DLG2: variants seen among roughly 807,000 people sequenced by gnomAD.
DLG2 encodes the protein discs large MAGUK scaffold protein 2.
A neutral mutation model predicts 132.5 loss-of-function variants in DLG2; 45 were observed. The observed-to-expected ratio is 0.34, with a 90% confidence interval of 0.27 to 0.44. The LOEUF (loss-of-function observed/expected upper bound fraction) is 0.44. Among genes scored for constraint, DLG2 ranks in the 20% least tolerant of loss-of-function variants. DLG2 has a pLI of 1.00. For synonymous variants in DLG2, 424 were observed against 419.6 expected, an observed-to-expected ratio of 1.01 and a Z score of -0.13; for missense variants, 1,045 against 1,196.9, an observed-to-expected ratio of 0.87 and a Z score of 1.87.
In DLG2 at chr11:85,186,472, A is replaced by G. The variant is rs2080108653; in HGVS notation, c.187-31821T>C. Among the ~76,000 whole-genome samples, 3 of 152,234 alleles carry G rather than the reference A, an allele frequency of 2.0e-5. No individual in the cohort carries two copies. The South Asian group carries it at 6.2e-4, about 32-fold the overall frequency. The stretch of plus-strand genomic sequence containing the variant: ...TCATGCCTGATAAGTAGATATGTAA[A>G]GAATGTTCAATACAAGTTTTGTGGA... On this transcript the variant is annotated intron_variant, in intron 4 of 27. Coordinates refer to ENST00000376104, the MANE Select transcript of DLG2 (RefSeq NM_001142699.3).
chr11:83,818,417 C>T lies in DLG2; in HGVS notation c.1722+15197G>A, dbSNP rs896098711. On this transcript the variant is annotated intron_variant, in intron 17 of 27. Coordinates refer to ENST00000376104, the MANE Select transcript of DLG2 (RefSeq NM_001142699.3). ...CTCAGAATACCTGGTGAGGTTTTGC[C>T]TTTTCTATGGAACTCCCTTGCCTCA... 5.3e-5 allele frequency among the ~76,000 whole-genome samples: 8 copies of T among 152,248 alleles called. No homozygotes were observed. In the Middle Eastern group the frequency reaches 0.017, roughly 324 times the overall value.
intron 7 of DLG2, among the ~76,000 whole-genome samples, chr11:84,376,437 T>C (rs1156563523): frequency 1.3e-5 from 2 of 151,838 alleles, no homozygotes; most frequent in African/African-American, 4.8e-5. Flanking sequence ...AACTTAAAAA[T>C]AATGACATCA....
At chr11:84,997,557 C>T (rs951631156) in intron 6 of DLG2, 1 of 152,182 alleles carries the variant, frequency 6.6e-6, no homozygotes, top group East Asian at 1.9e-4. Flanking sequence ...TGAAGGAACA[C>T]CTCAATATAA....
chr11:85,535,766 A>G (rs905530140), intron 3 of DLG2, among the ~76,000 whole-genome samples: 1 of 152,252 alleles, frequency 6.6e-6, no homozygotes, highest in Non-Finnish European at 1.5e-5. Context: ...ACAGATAAAT[A>G]AAATATGATA....
chr11:85,550,238 AG>A (rs962797800), intron 3 of DLG2, among the ~76,000 whole-genome samples: 8 of 152,326 alleles, frequency 5.3e-5, no homozygotes, highest in African/African-American at 1.9e-4. Flanking sequence ...GGCAGAGGAC[AG>A]CCACCTAGCA....
chr11:84,854,673 A>G (rs963430871), intron 6 of DLG2, among the ~76,000 whole-genome samples: 9 of 151,986 alleles, frequency 5.9e-5, no homozygotes, highest in Non-Finnish European at 1.2e-4. Flanking sequence ...CATCTGCATG[A>G]TTTATACATT....
At chr11:85,095,285 A>G (rs1056235201) in intron 6 of DLG2, among the ~76,000 whole-genome samples, 1 of 152,248 alleles carries the variant, frequency 6.6e-6, no homozygotes, top group African/African-American at 2.4e-5. Context: ...AATGTTGCCA[A>G]TAGACTTGCT....
intron 6 of DLG2, among the ~76,000 whole-genome samples, chr11:85,102,358 G>A (rs1008828830): frequency 6.6e-6 from 1 of 151,912 alleles, no homozygotes; most frequent in Admixed American, 6.6e-5. Flanking sequence ...GTCTGTGAAA[G>A]TATTTTAAAC....
intron 6 of DLG2, among the ~76,000 whole-genome samples, chr11:84,742,181 C>G (rs2064771003): frequency 6.6e-6 from 1 of 151,910 alleles, no homozygotes; most frequent in Non-Finnish European, 1.5e-5. Context: ...AAATATTTAC[C>G]TTCTTTGCAT....
intron 14 of DLG2, among the ~76,000 whole-genome samples, chr11:83,945,412 C>T (rs1392887111): frequency 6.6e-6 from 1 of 152,130 alleles, no homozygotes; most frequent in African/African-American, 2.4e-5. Context: ...CAGTAGAGAT[C>T]TGTAATACAG....
At chr11:84,629,799 T>G (rs17807944) in intron 6 of DLG2, among the ~76,000 whole-genome samples, 35,347 of 151,762 alleles carry the variant, frequency 0.23, 4,361 homozygotes, top group South Asian at 0.37. Flanking sequence ...GAGAGAAAGT[T>G]ACAGAGATAG....
intron 3 of DLG2, among the ~76,000 whole-genome samples, chr11:85,531,350 G>T (rs905421638): frequency 6.6e-6 from 1 of 152,154 alleles, no homozygotes; most frequent in Non-Finnish European, 1.5e-5. Context: ...CAAACAGGGT[G>T]ATTTAAGAAT....
chr11:85,619,381 AC>A (rs2153276195), intron 2 of DLG2, among the ~76,000 whole-genome samples: 1 of 152,130 alleles, frequency 6.6e-6, no homozygotes, highest in East Asian at 1.9e-4. Context: ...AAAAAAAAAA[AC>A]TTTAGTAAAT....
intron 11 of DLG2, among the ~76,000 whole-genome samples, chr11:83,989,452 C>T (rs367873736): frequency 1.3e-5 from 2 of 152,138 alleles, no homozygotes; most frequent in East Asian, 3.9e-4. Flanking sequence ...GACACCAACA[C>T]TTTGGCATAA....
intron 6 of DLG2, among the ~76,000 whole-genome samples, chr11:84,778,332 C>G (rs918150065): frequency 1.3e-5 from 2 of 151,996 alleles, no homozygotes; most frequent in Admixed American, 6.6e-5. Context: ...TATTTTTATA[C>G]CAGTATCATG....
intron 18 of DLG2, among the ~76,000 whole-genome samples, chr11:83,756,874 C>CAAT: frequency 6.8e-6 from 1 of 146,276 alleles, no homozygotes; most frequent in African/African-American, 2.8e-5. Flanking sequence ...AGCCTTTCAG[C>CAAT]TTTGTTCAGC....
At chr11:83,802,276 G>A (rs2044630049) in intron 17 of DLG2, among the ~76,000 whole-genome samples, 1 of 152,078 alleles carries the variant, frequency 6.6e-6, no homozygotes, top group Admixed American at 6.6e-5. Flanking sequence ...AATTGTTCAG[G>A]CAGTGTCAGA....
chr11:83,702,242 A>T (rs1818934552), intron 18 of DLG2, among the ~76,000 whole-genome samples: 2 of 152,192 alleles, frequency 1.3e-5, no homozygotes, highest in African/African-American at 4.8e-5. Flanking sequence ...TGGTTAAAAA[A>T]GTGTTTTTTA....
intron 7 of DLG2, among the ~76,000 whole-genome samples, chr11:84,504,068 T>C (rs1450536705): frequency 6.6e-6 from 1 of 152,218 alleles, no homozygotes; most frequent in Non-Finnish European, 1.5e-5. Flanking sequence ...CAAAAATAGC[T>C]GTTACCATTT....
Sources: gnomAD v4.1 joint callset for allele counts (sites outside exome capture counted in the v4.1 genomes callset) on GRCh38, gnomAD v4.1.1 for gene constraint, MANE v1.5 for transcripts, NCBI Gene and HGNC (gene_info 2026-07-23, HGNC 2026-07-21) for gene names.